The following TENM2 variants were observed in gnomAD, a reference collection of about 807,000 sequenced individuals.
The protein encoded by TENM2 is teneurin-2.
TENM2 carries 52 observed loss-of-function variants against 245.2 expected under a neutral mutation model. That is an observed-to-expected ratio of 0.21 (90% CI 0.17 to 0.27). TENM2 has a LOEUF of 0.27. Ranked by LOEUF, TENM2 falls within the 10% of genes least tolerant of loss-of-function variation. The probability of loss-of-function intolerance (pLI) is 1.00; values close to 1 mark genes in which losing one functional copy is unlikely to be tolerated. For missense variants in TENM2, 3,046 were observed against 3,666.8 expected, an observed-to-expected ratio of 0.83 and a Z score of 4.37; for synonymous variants, 1,363 against 1,438.9, an observed-to-expected ratio of 0.95 and a Z score of 1.19.
intron 2 of TENM2, among the ~76,000 whole-genome samples, chr5:167,462,652 A>G (rs1247474044): frequency 6.6e-6 from 1 of 151,882 alleles, no homozygotes; most frequent in African/African-American, 2.4e-5. Flanking sequence ...AACTCCTCTC[A>G]AAGTTCAGAC....
chr5:167,919,031 C>T (rs552276845), intron 3 of TENM2, among the ~76,000 whole-genome samples: 5 of 152,244 alleles, frequency 3.3e-5, no homozygotes, highest in African/African-American at 1.2e-4. Flanking sequence ...TATTATAATG[C>T]TCCAGTACTT....
chr5:168,120,708 T>A (rs1795408248), intron 10 of TENM2, among the ~76,000 whole-genome samples: 1 of 152,244 alleles, frequency 6.6e-6, no homozygotes, highest in African/African-American at 2.4e-5. Flanking sequence ...AGGTGATTCA[T>A]ATGCTGTTTT....
At chr5:167,102,684 A>T in the TENM2 span, among the ~76,000 whole-genome samples, 2 of 152,210 alleles carry the variant, frequency 1.3e-5, no homozygotes, top group Non-Finnish European at 2.9e-5. Context: ...TTTGAGACAT[A>T]GCCTCGCTCT....
chr5:167,893,126 A>G (rs909247542), intron 3 of TENM2, among the ~76,000 whole-genome samples: 1 of 152,176 alleles, frequency 6.6e-6, no homozygotes, highest in Admixed American at 6.5e-5. Context: ...CACCTCCTGT[A>G]AGTAACTGGG....
chr5:167,489,394 T>C (rs901006746), intron 2 of TENM2, among the ~76,000 whole-genome samples: 4 of 152,136 alleles, frequency 2.6e-5, no homozygotes, highest in Non-Finnish European at 4.4e-5. Flanking sequence ...TGTTACTTTC[T>C]GTTCTCTCTT....
At chr5:168,146,934 C>T (rs941225125) in intron 12 of TENM2, among the ~76,000 whole-genome samples, 3 of 152,220 alleles carry the variant, frequency 2.0e-5, no homozygotes, top group African/African-American at 7.2e-5. Context: ...GGGGACCCCC[C>T]CTTCACCTGT....
At chr5:167,712,640 T>C (rs1376885489) in intron 2 of TENM2, among the ~76,000 whole-genome samples, 1 of 152,208 alleles carries the variant, frequency 6.6e-6, no homozygotes, top group Non-Finnish European at 1.5e-5. Flanking sequence ...TATTACTCAA[T>C]AATCCTATTC....
At chr5:167,105,874 C>A in the TENM2 span, among the ~76,000 whole-genome samples, 2 of 103,542 alleles carry the variant, frequency 1.9e-5, no homozygotes, top group African/African-American at 8.4e-5. Context: ...GGCGACAGAG[C>A]GAGACTCCGT....
the TENM2 span, among the ~76,000 whole-genome samples, chr5:166,995,802 G>T: frequency 8.1e-6 from 1 of 123,114 alleles, no homozygotes; most frequent in Admixed American, 9.0e-5. Flanking sequence ...GCGACAGGGC[G>T]AGACTCCATC....
chr5:168,220,680 C>T (rs1581670924), intron 23 of TENM2, among the ~76,000 whole-genome samples: 1 of 152,118 alleles, frequency 6.6e-6, no homozygotes. Flanking sequence ...TTGGAAGACA[C>T]ACAGCCAACT....
At chr5:167,144,210 G>T in the TENM2 span, among the ~76,000 whole-genome samples, 6 of 152,178 alleles carry the variant, frequency 3.9e-5, no homozygotes, top group East Asian at 1.2e-3. Flanking sequence ...GGAGCGGTTC[G>T]CATTTGTGTG....
intron 2 of TENM2, among the ~76,000 whole-genome samples, chr5:167,631,060 T>G (rs975271118): frequency 6.6e-6 from 1 of 152,178 alleles, no homozygotes; most frequent in Non-Finnish European, 1.5e-5. Flanking sequence ...GTGTGCGATA[T>G]GCTTGTGCCT....
chr5:167,102,298 A>C, the TENM2 span, among the ~76,000 whole-genome samples: 1 of 152,150 alleles, frequency 6.6e-6, no homozygotes, highest in South Asian at 2.1e-4. Flanking sequence ...TATTGAGCAA[A>C]AGAGGGTCAA....
At chr5:167,863,669 A>G (rs969425660) in intron 2 of TENM2, among the ~76,000 whole-genome samples, 4 of 152,138 alleles carry the variant, frequency 2.6e-5, no homozygotes, top group African/African-American at 4.8e-5. Flanking sequence ...ATATTAAAAA[A>G]TACTGGTGCT....
chr5:167,397,553 A>G (rs1434401980), intron 2 of TENM2, among the ~76,000 whole-genome samples: 3 of 152,120 alleles, frequency 2.0e-5, no homozygotes, highest in African/African-American at 7.2e-5. Flanking sequence ...TTTTGAAGAG[A>G]TAACAATTTT....
the TENM2 span, among the ~76,000 whole-genome samples, chr5:167,264,843 T>C: frequency 6.6e-6 from 1 of 152,204 alleles, no homozygotes; most frequent in Non-Finnish European, 1.5e-5. Context: ...ACTGGCAGAC[T>C]GACTTGTTAG....
the TENM2 span, among the ~76,000 whole-genome samples, chr5:167,205,779 C>T: frequency 6.6e-6 from 1 of 152,112 alleles, no homozygotes; most frequent in Admixed American, 6.5e-5. Flanking sequence ...TATCAGCAAG[C>T]CTGCATCTCT....
intron 4 of TENM2, among the ~76,000 whole-genome samples, chr5:167,962,006 A>C (rs755142800): frequency 6.6e-6 from 1 of 152,212 alleles, no homozygotes; most frequent in East Asian, 1.9e-4. Flanking sequence ...TCCTGATGCA[A>C]TCAGTTGGTT....
chr5:167,781,633 G>T (rs1371517631), intron 2 of TENM2, among the ~76,000 whole-genome samples: 1 of 152,138 alleles, frequency 6.6e-6, no homozygotes, highest in Non-Finnish European at 1.5e-5. Context: ...TGAGTATGTG[G>T]CCATTCTAAA....
Sources: allele counts gnomAD v4.1 joint callset (sites outside exome capture counted in the v4.1 genomes callset), GRCh38; gene constraint gnomAD v4.1.1; transcripts MANE v1.5; gene names NCBI Gene and HGNC (gene_info 2026-07-23, HGNC 2026-07-21).